OPHN1: variants seen among roughly 807,000 people sequenced by gnomAD.
The protein encoded by OPHN1 is oligophrenin-1.
Under a neutral mutation model 60.7 loss-of-function variants are expected in OPHN1, and 11 were observed. The ratio of observed to expected loss-of-function variants is 0.18; its 90% CI spans 0.11 to 0.30. The LOEUF (loss-of-function observed/expected upper bound fraction) is 0.30. Among genes scored for constraint, OPHN1 ranks in the 10% least tolerant of loss-of-function variants. OPHN1 has a pLI of 1.00. For missense variants in OPHN1, 449 were observed against 611.0 expected (o/e 0.73, Z 2.80); for synonymous variants, 226 against 222.6 (o/e 1.02, Z -0.14).
At chrX:68,120,512 T>C (rs1397887807) in intron 15 of OPHN1, among the ~76,000 whole-genome samples, 1 of 111,521 alleles carries the variant, frequency 9.0e-6, no homozygotes, top group African/African-American at 3.3e-5. Context: ...AATGAAAAAA[T>C]AGTCCATGTT....
At chrX:68,274,622 G>C (rs1282893272) in intron 5 of OPHN1, 116 bp downstream of exon 5, 1 of 511,416 alleles carries the variant, frequency 2.0e-6, no homozygotes, top group Admixed American at 2.7e-5. Context: ...AGGCTGACTA[G>C]GCCAAGAGCA....
Position 68,201,964 on chromosome X carries a change from C to T in OPHN1, c.934-254G>A, listed in dbSNP as rs140099849. Among the ~76,000 whole-genome samples the T allele has an allele frequency of 1.6e-3, 183 of 111,885 alleles. 5 individuals carry two copies. The East Asian group carries it at 0.034, about 21-fold the overall frequency. On this transcript the variant is annotated intron_variant, in intron 10 of 24. Coordinates refer to ENST00000355520, the MANE Select transcript of OPHN1 (RefSeq NM_002547.3). Reference sequence around the variant, plus strand: ...AGTCATCCAGCACTCTTTCCCAAGACGGAAGACTTAATAGGAAGCTCAATA... The same window carrying T: ...AGTCATCCAGCACTCTTTCCCAAGATGGAAGACTTAATAGGAAGCTCAATA...
intron 2 of OPHN1, among the ~76,000 whole-genome samples, chrX:68,365,462 G>C (rs1336736761): frequency 9.0e-6 from 1 of 111,270 alleles, no homozygotes; most frequent in Non-Finnish European, 1.9e-5. Flanking sequence ...AAAAGTCTCA[G>C]AATGTACCAG....
At chrX:68,228,799 A>T (rs2077711389) in intron 6 of OPHN1, among the ~76,000 whole-genome samples, 1 of 111,202 alleles carries the variant, frequency 9.0e-6, no homozygotes. Flanking sequence ...ACCCACAGCC[A>T]ATATCTCACT....
chrX:68,205,835 T>G (rs1356671251), intron 10 of OPHN1, among the ~76,000 whole-genome samples: 2 of 111,805 alleles, frequency 1.8e-5, no homozygotes, highest in Non-Finnish European at 3.8e-5. Context: ...TGCTTAAAAA[T>G]CATGCACTAA....
At chrX:68,303,820 G>A (rs960905508) in intron 2 of OPHN1, among the ~76,000 whole-genome samples, 3 of 110,768 alleles carry the variant, frequency 2.7e-5, no homozygotes, top group Non-Finnish European at 3.8e-5. Context: ...GCTCTTACTC[G>A]TATGTGAGAG....
At position 68,044,043 on chromosome X, in the gene OPHN1, TTA is replaced by T. The variant is rs2076824723; in HGVS notation, c.*3127_*3128del. 1 of 112,520 alleles carries T rather than the reference TTA, an allele frequency of 8.9e-6. No homozygotes were observed. The highest frequency in any genetic ancestry group is 3.2e-5 in the African/African-American group (1 of 31,030). The allele number at this position is 112,520 out of a possible 1,213,427, so 9.3% of individuals were successfully genotyped here. A position where few individuals can be genotyped will look rare whatever the true frequency, so the allele number is the denominator to read the frequency against. ...AAATCCTTCACTTCACAAAATAAAA[TTA>T]GATGATCATCTTAAAAACATTACCA... On this transcript the variant is annotated 3_prime_UTR_variant, in exon 25 of 25. Transcript: ENST00000355520.
chrX:68,394,781 G>T (rs2078674234), intron 2 of OPHN1, among the ~76,000 whole-genome samples: 1 of 110,999 alleles, frequency 9.0e-6, no homozygotes, highest in African/African-American at 3.3e-5. Context: ...CAAGTAGCTG[G>T]GACTACAGGC....
chrX:68,131,979 A>G (rs1435290716), intron 15 of OPHN1, among the ~76,000 whole-genome samples: 1 of 112,758 alleles, frequency 8.9e-6, no homozygotes, highest in Non-Finnish European at 1.9e-5. Flanking sequence ...TTAAAGAAAG[A>G]AATACAAATT....
At chrX:68,245,467 C>T (rs759782949) in intron 5 of OPHN1, among the ~76,000 whole-genome samples, 52 of 112,115 alleles carry the variant, frequency 4.6e-4, no homozygotes, top group African/African-American at 1.7e-3. Flanking sequence ...TTAGCAGACT[C>T]GTTTCTTCTT....
chrX:68,053,541 G>A, intron 22 of OPHN1, 104 bp downstream of exon 22: 1 of 811,940 alleles, frequency 1.2e-6, no homozygotes, highest in Non-Finnish European at 1.8e-6. Flanking sequence ...AGTGAAGGAT[G>A]CCCCAGGGCT....
intron 2 of OPHN1, among the ~76,000 whole-genome samples, chrX:68,377,326 G>T (rs1193294738): frequency 2.4e-4 from 26 of 109,072 alleles, no homozygotes; most frequent in Non-Finnish European, 4.0e-4. Flanking sequence ...TTGATCTCCT[G>T]ACCTCGTGAT....
At chrX:68,343,293 G>T (rs1470166157) in intron 2 of OPHN1, among the ~76,000 whole-genome samples, 1 of 105,089 alleles carries the variant, frequency 9.5e-6, no homozygotes, top group African/African-American at 3.5e-5. Flanking sequence ...AAAGCGGGGG[G>T]GGAGGGGCGC....
chrX:68,224,780 C>G (rs1190715642), intron 6 of OPHN1, among the ~76,000 whole-genome samples: 1 of 112,236 alleles, frequency 8.9e-6, no homozygotes, highest in Non-Finnish European at 1.9e-5. Flanking sequence ...TGAATAGGAA[C>G]AGCTCCAGTC....
At chrX:68,259,835 A>G (rs947099757) in intron 5 of OPHN1, among the ~76,000 whole-genome samples, 4 of 111,420 alleles carry the variant, frequency 3.6e-5, no homozygotes, top group African/African-American at 1.3e-4. Flanking sequence ...AAATTCACCT[A>G]TGAGATAAAA....
intron 2 of OPHN1, among the ~76,000 whole-genome samples, chrX:68,372,655 AGTTGTGTCTTC>A (rs2078535247): frequency 9.0e-6 from 1 of 110,863 alleles, no homozygotes; most frequent in East Asian, 2.8e-4. Context: ...CACCAAACTA[AGTTGTGTCTTC>A]GGTGCTGTAC....
chrX:68,139,359 A>C (rs908705125), intron 15 of OPHN1, among the ~76,000 whole-genome samples: 11 of 112,132 alleles, frequency 9.8e-5, no homozygotes, highest in Admixed American at 2.8e-4. Flanking sequence ...ACTATCTTTT[A>C]GTTATGATGT....
chrX:68,195,930 A>G, intron 12 of OPHN1, among the ~76,000 whole-genome samples: 1 of 111,902 alleles, frequency 8.9e-6, no homozygotes, highest in East Asian at 2.8e-4. Context: ...TTGAAAACCT[A>G]AAGGGAGAGC....
intron 5 of OPHN1, among the ~76,000 whole-genome samples, chrX:68,268,552 A>G: frequency 8.9e-6 from 1 of 111,970 alleles, no homozygotes; most frequent in Admixed American, 9.5e-5. Context: ...GCTTCATGCT[A>G]AAGACTCTCA....
Sources: allele counts gnomAD v4.1 joint callset (sites outside exome capture counted in the v4.1 genomes callset), GRCh38; gene constraint gnomAD v4.1.1; transcripts MANE v1.5; gene names NCBI Gene and HGNC (gene_info 2026-07-23, HGNC 2026-07-21).